The following MRPL17 variants were observed in gnomAD, a reference collection of about 807,000 sequenced individuals.
MRPL17 encodes the protein large ribosomal subunit protein bL17m.
A neutral mutation model predicts 12.0 loss-of-function variants in MRPL17; 8 were observed. The ratio of observed to expected loss-of-function variants is 0.67; its 90% CI spans 0.39 to 1.21. The LOEUF (loss-of-function observed/expected upper bound fraction) is 1.21, where lower values mean the gene tolerates loss of function less well. Among genes scored for constraint, MRPL17 ranks in the 50% most tolerant of loss-of-function variants. MRPL17 has a pLI of 0.01. For missense variants in MRPL17, 263 were observed against 234.4 expected (o/e 1.12, Z -0.80); for synonymous variants, 107 against 92.9 (o/e 1.15, Z -0.87).
chr11:6,683,109 G>A lies in MRPL17; in HGVS notation c.174+14C>T. 1 of 1,610,476 alleles carries A rather than the reference G, an allele frequency of 6.2e-7. No homozygotes were observed. Among genetic ancestry groups the A allele is most frequent in the Non-Finnish European group, 8.5e-7 (1 of 1,178,046 alleles). Reference sequence around the variant, plus strand: ...CCAGACCCGCAGAGTGGACAAGAGGGCCGCGCTCCTCACCTTCTCCGCGTA... The same window carrying A: ...CCAGACCCGCAGAGTGGACAAGAGGACCGCGCTCCTCACCTTCTCCGCGTA... On this transcript the variant is annotated intron_variant, in intron 1 of 2. Transcript: ENST00000288937.
chr11:6,682,939 T>TA lies in MRPL17; in HGVS notation c.175-125dup, dbSNP rs558518893. 1.7e-5 allele frequency: 21 copies of TA among 1,265,808 alleles called. No individual in the cohort carries two copies. The South Asian group carries it at 2.9e-4, about 18-fold the overall frequency. 78.4% of individuals were successfully genotyped at this position (1,265,808 alleles called of 1,614,324 possible). ...AAGCATCTCCAATCTACGCCACCCC[T>TA]AACTCCGCAGCCCTAACCAGTCTTC... On this transcript the variant is annotated intron_variant, in intron 1 of 2. Transcript: ENST00000288937.
Position 6,680,604 on chromosome 11 carries a change from T to C in MRPL17, c.*1514A>G, listed in dbSNP as rs530299674. ...CTGTTGGAAGTCCCAAAGGGAGATA[T>C]ATTTCTGGGGTCTAAGAGGAAAAGC... On this transcript the variant is annotated 3_prime_UTR_variant, in exon 3 of 3. Coordinates refer to ENST00000288937, the MANE Select transcript of MRPL17 (RefSeq NM_022061.4). Among the ~76,000 whole-genome samples the C allele has an allele frequency of 2.4e-4, 37 of 152,294 alleles. No homozygotes were observed. Among genetic ancestry groups the C allele is most frequent in the Non-Finnish European group, 5.0e-4 (34 of 68,022 alleles).
At position 6,683,114 on chromosome 11, in the gene MRPL17, GCTC is replaced by G. The variant is rs773773674; in HGVS notation, c.174+6_174+8del. The G allele has an allele frequency of 5.0e-6, 8 of 1,611,476 alleles. No homozygotes were observed. In the Admixed American group the frequency reaches 1.2e-4, roughly 24 times the overall value. Reference sequence around the variant, plus strand: ...CCCGCAGAGTGGACAAGAGGGCCGCGCTCCTCACCTTCTCCGCGTAGCCCCTCA... The same window carrying G: ...CCCGCAGAGTGGACAAGAGGGCCGCGCTCACCTTCTCCGCGTAGCCCCTCA... On this transcript the variant is annotated splice_donor_region_variant and intron_variant, in intron 1 of 2. Coordinates refer to ENST00000288937, the MANE Select transcript of MRPL17 (RefSeq NM_022061.4).
rs1225697821 is a variant in MRPL17 at position 6,681,942 on chromosome 11, T to C, written c.*176A>G. 6.8e-6 allele frequency: 3 copies of C among 438,464 alleles called. No homozygotes were observed. Among genetic ancestry groups the C allele is most frequent in the Admixed American group, 4.1e-5 (1 of 24,118 alleles). The allele number at this position is 438,464 out of a possible 1,614,324, so 27.2% of individuals were successfully genotyped here. A position where few individuals can be genotyped will look rare whatever the true frequency, so the allele number is the denominator to read the frequency against. On this transcript the variant is annotated 3_prime_UTR_variant, in exon 3 of 3. Transcript: ENST00000288937. The stretch of plus-strand genomic sequence containing the variant: ...ATAAATAAATTTATATATATTCATA[T>C]AAAGACTTTTATCTATTGTGCAAAG...
Position 6,681,916 on chromosome 11 carries a change from A to ACTAG in MRPL17, c.*201_*202insCTAG. The ACTAG allele has an allele frequency of 2.8e-6, 1 of 357,610 alleles. No individual in the cohort carries two copies. Among genetic ancestry groups the ACTAG allele is most frequent in the Non-Finnish European group, 4.8e-6 (1 of 207,888 alleles). The allele number at this position is 357,610 out of a possible 1,614,324, so 22.2% of individuals were successfully genotyped here. ...TCCAGAAATCCCACAGGAAGGAAAA[A>ACTAG]ATAAATAAATTTATATATATTCATA... is the stretch of plus-strand genomic sequence containing the variant. On this transcript the variant is annotated 3_prime_UTR_variant, in exon 3 of 3. Coordinates refer to ENST00000288937, the MANE Select transcript of MRPL17 (RefSeq NM_022061.4).
chr11:6,681,239 CAAGA>C lies in MRPL17; in HGVS notation c.*875_*878del, dbSNP rs1299964045. ...CAAGGGAACGGCAGCCTGGCTGTGCCAAGAAAGGGGCTCCCAGCTTCTCACATTC... is the reference window on the plus strand; with the variant it reads ...CAAGGGAACGGCAGCCTGGCTGTGCCAAGGGGCTCCCAGCTTCTCACATTC... On this transcript the variant is annotated 3_prime_UTR_variant, in exon 3 of 3. Coordinates refer to ENST00000288937, the MANE Select transcript of MRPL17 (RefSeq NM_022061.4). 6.6e-6 allele frequency: 1 copy of C among 152,210 alleles called. No individual in the cohort carries two copies. Among genetic ancestry groups the C allele is most frequent in the Non-Finnish European group, 1.5e-5 (1 of 68,056 alleles). 9.4% of individuals were successfully genotyped at this position (152,210 alleles called of 1,614,324 possible).
chr11:6,682,451 A>C, intron 2 of MRPL17, 49 bp from the exon 3 acceptor site: 1 of 1,583,450 alleles, frequency 6.3e-7, no homozygotes, highest in African/African-American at 1.3e-5. Flanking sequence ...AAAACTGCAG[A>C]GGCATTTAAC....
rs757316076 is a variant in MRPL17, at chr11:6,683,329, G to C, written c.-33C>G. On this transcript the variant is annotated 5_prime_UTR_variant, in exon 1 of 3. Transcript: ENST00000288937. ...ACTTCTGCCCGCCCCTTGGAGGCCG[G>C]AACTGGAAACTGGAAGGTAGAGCCG... is the stretch of plus-strand genomic sequence containing the variant. 1.3e-6 allele frequency: 2 copies of C among 1,591,006 alleles called. No individual in the cohort carries two copies. The highest frequency in any genetic ancestry group is 1.1e-5 in the South Asian group (1 of 88,640).
In MRPL17 at chr11:6,682,052, G is replaced by A; in HGVS notation, c.*66C>T. ...CTCTAGCTCCAGTTCTTCTCAGAGA[G>A]TAAAAGTGCTCCAAAGGCCTGTGAT... On this transcript the variant is annotated 3_prime_UTR_variant, in exon 3 of 3. Coordinates refer to ENST00000288937, the MANE Select transcript of MRPL17 (RefSeq NM_022061.4). The A allele has an allele frequency of 6.5e-7, 1 of 1,533,174 alleles. No homozygotes were observed. Among genetic ancestry groups the A allele is most frequent in the Non-Finnish European group, 8.8e-7 (1 of 1,136,076 alleles). 95.0% of individuals were successfully genotyped at this position (1,533,174 alleles called of 1,614,324 possible). A position where few individuals can be genotyped will look rare whatever the true frequency, so the allele number is the denominator to read the frequency against.
intron 1 of MRPL17, 117 bp downstream of exon 1, chr11:6,683,006 G>T: frequency 7.0e-7 from 1 of 1,429,602 alleles, no homozygotes; most frequent in East Asian, 2.3e-5. Context: ...CAAGGTTCTG[G>T]GGGACTCAGA....
At position 6,681,623 on chromosome 11, in the gene MRPL17, G is replaced by C. The variant is rs1846564476; in HGVS notation, c.*495C>G. ...TTCGCAGGGTACTAGATTGTTTAAGGAAGTTTCACTTGCAGATTGTCACTC... is the reference window on the plus strand; with the variant it reads ...TTCGCAGGGTACTAGATTGTTTAAGCAAGTTTCACTTGCAGATTGTCACTC... On this transcript the variant is annotated 3_prime_UTR_variant, in exon 3 of 3. Transcript: ENST00000288937. 1 of 152,250 alleles carries C rather than the reference G, an allele frequency of 6.6e-6. No individual in the cohort carries two copies. Among genetic ancestry groups the C allele is most frequent in the African/African-American group, 2.4e-5 (1 of 41,410 alleles). The allele number at this position is 152,250 out of a possible 1,614,324, so 9.4% of individuals were successfully genotyped here. A position where few individuals can be genotyped will look rare whatever the true frequency, so the allele number is the denominator to read the frequency against.
intron 1 of MRPL17, 115 bp from the exon 2 acceptor site, chr11:6,682,930 C>T: frequency 3.9e-6 from 5 of 1,274,670 alleles, no homozygotes; most frequent in Non-Finnish European, 5.5e-6. Context: ...CTCCAATCTA[C>T]GCCACCCCTA....
rs992360021 is a variant in MRPL17 at position 6,681,689 on chromosome 11, C to T, written c.*429G>A. On this transcript the variant is annotated 3_prime_UTR_variant, in exon 3 of 3. Transcript: ENST00000288937. ...GAAGTAATCTTTCTCTAAGAAATCCCAAGCACTCATCTCTAGGAGACCAGA... is the reference window on the plus strand; with the variant it reads ...GAAGTAATCTTTCTCTAAGAAATCCTAAGCACTCATCTCTAGGAGACCAGA... 1.3e-5 allele frequency: 2 copies of T among 152,396 alleles called. No individual in the cohort carries two copies. The highest frequency in any genetic ancestry group is 4.8e-5 in the African/African-American group (2 of 41,440). 9.4% of individuals were successfully genotyped at this position (152,396 alleles called of 1,614,324 possible). A position where few individuals can be genotyped will look rare whatever the true frequency, so the allele number is the denominator to read the frequency against.
rs772986562 is a variant in MRPL17, at chr11:6,680,432, TAGTGGC to T, written c.*1680_*1685del. Among the ~76,000 whole-genome samples the T allele has an allele frequency of 3.3e-5, 5 of 152,250 alleles. No individual in the cohort carries two copies. The highest frequency in any genetic ancestry group is 7.3e-5 in the Non-Finnish European group (5 of 68,038). On this transcript the variant is annotated 3_prime_UTR_variant, in exon 3 of 3. Transcript: ENST00000288937. ...GCAGTGTCCCTTGAGGCCACTGTGG[TAGTGGC>T]AGTGGCCTGTTATTGTGAGCTCATT... is the stretch of plus-strand genomic sequence containing the variant.
Position 6,683,157 on chromosome 11 carries a change from G to A in MRPL17, c.140C>T (p.Ala47Val), listed in dbSNP as rs763269702. ...VRHERIEAPW[A>V]RVDEMRGYAE... is the part of the protein sequence containing the mutation. ...GTAGCCCCTCATTTCGTCCACACGC[G>A]CCCATGGTGCCTCGATGCGTTCGTG... Residue 47 changes from alanine (A) to valine (V), a missense_variant, in exon 1 of 3, where the codon GCG becomes GTG. By Grantham distance (64) the Ala-to-Val change is moderately conservative. Transcript: ENST00000288937. The A allele has an allele frequency of 4.3e-6, 7 of 1,614,070 alleles. 1 individual carries two copies. In the South Asian group the frequency reaches 7.7e-5, roughly 18 times the overall value.
chr11:6,683,236 C>T lies in MRPL17; in HGVS notation c.61G>A (p.Gly21Ser). The T allele has an allele frequency of 1.9e-6, 3 of 1,614,094 alleles. No homozygotes were observed. Among genetic ancestry groups the T allele is most frequent in the Admixed American group, 1.7e-5 (1 of 60,026 alleles). ...AACAGATGGATGCGGGACTCGGGAC[C>T]GAGGCCCATACGGCGAAATACGCGG... ...HGRVFRRMGL[G>S]PESRIHLLRN... Residue 21 changes from glycine to serine, a missense_variant, in exon 1 of 3, where the codon GGT becomes AGT. Transcript: ENST00000288937.
chr11:6,683,148 T>C lies in MRPL17; in HGVS notation c.149A>G (p.Asp50Gly). The change falls in exon 1 of 3, where the codon GAC becomes GGC. Residue 50 changes from aspartate to glycine, a missense_variant. Coordinates refer to ENST00000288937, the MANE Select transcript of MRPL17 (RefSeq NM_022061.4). ...ERIEAPWARV[D>G]EMRGYAEKLI... ...CTTCTCCGCGTAGCCCCTCATTTCGTCCACACGCGCCCATGGTGCCTCGAT... is the reference window on the plus strand; with the variant it reads ...CTTCTCCGCGTAGCCCCTCATTTCGCCCACACGCGCCCATGGTGCCTCGAT... 6.2e-7 allele frequency: 1 copy of C among 1,614,056 alleles called. No individual in the cohort carries two copies. The highest frequency in any genetic ancestry group is 8.5e-7 in the Non-Finnish European group (1 of 1,180,010).
rs896799626 is a variant in MRPL17 at position 6,683,138 on chromosome 11, C to T, written c.159G>A (p.Arg53=). The change falls in exon 1 of 3, where the codon AGG becomes AGA. Residue 53 remains arginine, a synonymous_variant. Transcript: ENST00000288937. ...EAPWARVDEM[R]GYAEKLIDYG... is the part of the protein sequence containing the mutation. ...CGCTCCTCACCTTCTCCGCGTAGCC[C>T]CTCATTTCGTCCACACGCGCCCATG... The T allele has an allele frequency of 1.2e-6, 2 of 1,613,846 alleles. No individual in the cohort carries two copies. The highest frequency in any genetic ancestry group is 1.7e-5 in the Admixed American group (1 of 60,004).
rs1370704174 is a variant in MRPL17 at position 6,681,226 on chromosome 11, A to C, written c.*892T>G. The C allele has an allele frequency of 6.6e-6, 1 of 152,242 alleles. No individual in the cohort carries two copies. The highest frequency in any genetic ancestry group is 2.4e-5 in the African/African-American group (1 of 41,450). The allele number at this position is 152,242 out of a possible 1,614,324, so 9.4% of individuals were successfully genotyped here. ...AAGCCTCTGAACCCAAGGGAACGGC[A>C]GCCTGGCTGTGCCAAGAAAGGGGCT... On this transcript the variant is annotated 3_prime_UTR_variant, in exon 3 of 3. Coordinates refer to ENST00000288937, the MANE Select transcript of MRPL17 (RefSeq NM_022061.4).
Sources: gnomAD v4.1 joint callset for allele counts (sites outside exome capture counted in the v4.1 genomes callset) on GRCh38, gnomAD v4.1.1 for gene constraint, MANE v1.5 for transcripts, NCBI Gene and HGNC (gene_info 2026-07-23, HGNC 2026-07-21) for gene names.